KIF21B: variants seen among roughly 807,000 people sequenced by gnomAD.
KIF21B encodes the protein kinesin family member 21B, also known as kinesin-like protein KIF21B.
In KIF21B, 85 loss-of-function variants were observed where a neutral mutation model predicts 192.9. That is an observed-to-expected ratio of 0.44 (90% CI 0.37 to 0.53). The LOEUF (loss-of-function observed/expected upper bound fraction) is 0.53, where lower values mean the gene tolerates loss of function less well. KIF21B is among the 20% of genes least tolerant of loss of function. KIF21B has a pLI of 0.00. For synonymous variants in KIF21B, 832 were observed against 884.6 expected (o/e 0.94, Z 1.05); for missense variants, 1,716 against 2,194.8 (o/e 0.78, Z 4.36).
chr1:200,992,683 T>C (rs1478765320), intron 15 of KIF21B, among the ~76,000 whole-genome samples: 1 of 152,222 alleles, frequency 6.6e-6, no homozygotes, highest in Non-Finnish European at 1.5e-5. Flanking sequence ...CCACAGCCCC[T>C]GGTGGCCCTC....
In KIF21B at chr1:201,009,038, A is replaced by G. The variant is rs1658080833; in HGVS notation, c.265-87T>C. 9.7e-6 allele frequency: 14 copies of G among 1,445,478 alleles called. 1 individual carries two copies. In the South Asian group the frequency reaches 1.9e-4, roughly 19 times the overall value. The allele number at this position is 1,445,478 out of a possible 1,614,324, so 89.5% of individuals were successfully genotyped here. ...TACCTGGGCCAAATCCCCTTAGCTC[A>G]TCTACCTCCCAGCCCGGTTCCCCTG... On this transcript the variant is annotated intron_variant, in intron 2 of 34. Coordinates refer to ENST00000461742, the MANE Select transcript of KIF21B (RefSeq NM_001252102.2).
At position 200,988,751 on chromosome 1, in the gene KIF21B, C is replaced by T. The variant is rs993700161; in HGVS notation, c.3298+15G>A. 1.0e-5 allele frequency: 16 copies of T among 1,591,500 alleles called. No homozygotes were observed. The highest frequency in any genetic ancestry group is 5.2e-5 in the Admixed American group (3 of 57,674). On this transcript the variant is annotated intron_variant, in intron 22 of 34. Coordinates refer to ENST00000461742, the MANE Select transcript of KIF21B (RefSeq NM_001252102.2). ...TGCCAAGGAGCTGGCAGCTTCCAAC[C>T]GCCCCTACCCGTACCCTGCTGCACA...
In KIF21B at chr1:200,988,145, A is replaced by G; in HGVS notation, c.3408+151T>C. The G allele has an allele frequency of 6.3e-6, 5 of 794,772 alleles. No individual in the cohort carries two copies. The South Asian group carries it at 7.6e-5, about 12-fold the overall frequency. 49.2% of individuals were successfully genotyped at this position (794,772 alleles called of 1,614,324 possible). A position where few individuals can be genotyped will look rare whatever the true frequency, so the allele number is the denominator to read the frequency against. On this transcript the variant is annotated intron_variant, in intron 24 of 34. Transcript: ENST00000461742. ...AGGTTACATATCTGGACAACCCCCA[A>G]TTCCAGACTAAATTTTCTTGGCACC...
chr1:200,995,154 C>A (rs10920085), intron 15 of KIF21B, among the ~76,000 whole-genome samples: 1 of 152,134 alleles, frequency 6.6e-6, no homozygotes, highest in Non-Finnish European at 1.5e-5. Flanking sequence ...CATCAGCCAC[C>A]ACTGCATTGC....
At position 201,005,563 on chromosome 1, in the gene KIF21B, G is replaced by A; in HGVS notation, c.579C>T (p.Leu193=). The change falls in exon 4 of 35, where the codon CTC becomes CTT. Residue 193 remains leucine, a synonymous_variant. Transcript: ENST00000461742. ...GIYTTGVTSR[L]IHSQEELIQC... ...GGCTCACCTCCTCCTGGGAGTGGATGAGGCGAGAAGTGACGCCAGTGGTGT... is the reference window on the plus strand; with the variant it reads ...GGCTCACCTCCTCCTGGGAGTGGATAAGGCGAGAAGTGACGCCAGTGGTGT... 1 of 1,613,782 alleles carries A rather than the reference G, an allele frequency of 6.2e-7. No individual in the cohort carries two copies. Among genetic ancestry groups the A allele is most frequent in the South Asian group, 1.1e-5 (1 of 91,058 alleles).
At position 200,974,729 on chromosome 1, in the gene KIF21B, A is replaced by G. The variant is rs770410636; in HGVS notation, c.4799T>C (p.Ile1600Thr). ...CAGCACCCACCTGGAGGCTGTGAAG[A>G]TATGCTTGGCATTGGTGCAGATGGC... ...INAICTNAKH[I>T]FTASSDLTVK... is the part of the protein sequence containing the mutation. Residue 1600 changes from isoleucine (I) to threonine (T), a missense_variant, in exon 34 of 35, where the codon ATC (isoleucine) becomes ACC (threonine). Transcript: ENST00000461742. The G allele has an allele frequency of 1.8e-5, 29 of 1,614,066 alleles. No individual in the cohort carries two copies. The South Asian group carries it at 2.7e-4, about 15-fold the overall frequency.
At chr1:200,993,357 C>G (rs972420726) in intron 15 of KIF21B, among the ~76,000 whole-genome samples, 1 of 152,208 alleles carries the variant, frequency 6.6e-6, no homozygotes, top group African/African-American at 2.4e-5. Flanking sequence ...CTCCAGGGCT[C>G]AAGTCCCTCC....
At position 200,998,400 on chromosome 1, in the gene KIF21B, A is replaced by G. The variant is rs775633195; in HGVS notation, c.2061T>C (p.Arg687=). 1 of 1,612,854 alleles carries G rather than the reference A, an allele frequency of 6.2e-7. No individual in the cohort carries two copies. The highest frequency in any genetic ancestry group is 8.5e-7 in the Non-Finnish European group (1 of 1,179,556). The change falls in exon 14 of 35, where the codon CGT becomes CGC. Residue 687 remains arginine (R), a synonymous_variant. Transcript: ENST00000461742. The surrounding 1 kb of genome is among the most constrained non-coding windows in gnomAD (Gnocchi z 4.3). ...KIRDTQLERD[R]VLQNLSTMEC... ...TGGCCTCACTGAGGTTCTGCAGCACACGGTCGCGCTCCAGCTGTGTGTCTC... is the reference window on the plus strand; with the variant it reads ...TGGCCTCACTGAGGTTCTGCAGCACGCGGTCGCGCTCCAGCTGTGTGTCTC...
intron 17 of KIF21B, 136 bp from the exon 18 acceptor site, chr1:200,991,285 G>T: frequency 1.5e-6 from 1 of 681,472 alleles, no homozygotes; most frequent in Non-Finnish European, 2.5e-6. Context: ...CTGCAAAAGG[G>T]CCAAGGGGTC....
At chr1:200,974,389 A>G (rs1178547026) in intron 34 of KIF21B, among the ~76,000 whole-genome samples, 1 of 152,116 alleles carries the variant, frequency 6.6e-6, no homozygotes, top group South Asian at 2.1e-4. Flanking sequence ...TGGGGCTGGC[A>G]GGGCTGCTCT....
At position 201,007,381 on chromosome 1, in the gene KIF21B, GACAC is replaced by G. The variant is rs1171802759; in HGVS notation, c.447+1384_447+1387del. Among the ~76,000 whole-genome samples, 3 of 35,898 alleles carry G rather than the reference GACAC, an allele frequency of 8.4e-5. 1 individual carries two copies. Among genetic ancestry groups the G allele is most frequent in the South Asian group, 6.8e-4 (1 of 1,472 alleles). The allele number at this position is 35,898 out of a possible 152,430, so 23.6% of individuals were successfully genotyped here. On this transcript the variant is annotated intron_variant, in intron 3 of 34. Coordinates refer to ENST00000461742, the MANE Select transcript of KIF21B (RefSeq NM_001252102.2). The stretch of plus-strand genomic sequence containing the variant: ...ACACACACACACACACAGAGACAGA[GACAC>G]ACAGACACACACACGCAGACACCCA...
rs781508849 is a variant in KIF21B, at chr1:201,000,735, C to A, written c.1448G>T (p.Arg483Leu). The change falls in exon 10 of 35, where the codon CGG becomes CTG. Residue 483 changes from arginine to leucine, a missense_variant. Physicochemically the swap from Arg to Leu is moderately radical, Grantham distance 102. Transcript: ENST00000461742. The surrounding 1 kb of genome is among the most constrained non-coding windows in gnomAD (Gnocchi z 6.0). ...AIGALIQNYI[R>L]EIEELRTKLL... The stretch of plus-strand genomic sequence containing the variant: ...CACTCACCGTAGCTCCTCGATCTCC[C>A]GGATGTAGTTCTGGATCAGCGCACC... The A allele has an allele frequency of 6.2e-7, 1 of 1,614,216 alleles. No homozygotes were observed. The highest frequency in any genetic ancestry group is 1.1e-5 in the South Asian group (1 of 91,080).
intron 1 of KIF21B, among the ~76,000 whole-genome samples, chr1:201,011,164 T>C (rs1296412471): frequency 6.6e-6 from 1 of 152,246 alleles, no homozygotes; most frequent in Non-Finnish European, 1.5e-5. Flanking sequence ...TGGCTGATTC[T>C]TGCTCATCCT....
chr1:201,003,822 G>C, intron 7 of KIF21B, 41 bp from the exon 8 acceptor site: 1 of 1,602,754 alleles, frequency 6.2e-7, no homozygotes, highest in Middle Eastern at 1.7e-4. Flanking sequence ...GAGGGACACA[G>C]CCAGCCCCCA....
In KIF21B at chr1:200,982,727, C is replaced by T. The variant is rs1305662042; in HGVS notation, c.3842+329G>A. 6.6e-6 allele frequency among the ~76,000 whole-genome samples: 1 copy of T among 152,160 alleles called. No homozygotes were observed. Among genetic ancestry groups the T allele is most frequent in the Non-Finnish European group, 1.5e-5 (1 of 68,016 alleles). ...GCCTTCCAGTCGTGGAGAACTCAGCCCCAGCCCAGCATCCCCTAGGCCTCC... is the reference window on the plus strand; with the variant it reads ...GCCTTCCAGTCGTGGAGAACTCAGCTCCAGCCCAGCATCCCCTAGGCCTCC... On this transcript the variant is annotated intron_variant, in intron 28 of 34. Coordinates refer to ENST00000461742, the MANE Select transcript of KIF21B (RefSeq NM_001252102.2). The surrounding 1 kb of genome is among the most constrained non-coding windows in gnomAD (Gnocchi z 4.7).
intron 1 of KIF21B, among the ~76,000 whole-genome samples, chr1:201,011,434 G>A (rs573303413): frequency 3.3e-5 from 5 of 152,362 alleles, no homozygotes; most frequent in African/African-American, 1.2e-4. Flanking sequence ...AGACAGTCAG[G>A]AGCAGAGCCA....
rs953769345 is a variant in KIF21B at position 201,023,178 on chromosome 1, G to A, written c.41+165C>T. Among the ~76,000 whole-genome samples the A allele has an allele frequency of 2.6e-5, 4 of 152,214 alleles. No individual in the cohort carries two copies. Among genetic ancestry groups the A allele is most frequent in the Admixed American group, 2.0e-4 (3 of 15,282 alleles). ...GTCGGCGGGGTCGCCGCTCCCCTGCGGCAGACTGGCCAGCGCGCGGCGCCC... is the reference window on the plus strand; with the variant it reads ...GTCGGCGGGGTCGCCGCTCCCCTGCAGCAGACTGGCCAGCGCGCGGCGCCC... On this transcript the variant is annotated intron_variant, in intron 1 of 34. Transcript: ENST00000461742. The surrounding 1 kb of genome is among the most constrained non-coding windows in gnomAD (Gnocchi z 5.9).
At position 200,984,922 on chromosome 1, in the gene KIF21B, C is replaced by T. The variant is rs777757543; in HGVS notation, c.3740G>A (p.Arg1247His). 13 of 1,606,570 alleles carry T rather than the reference C, an allele frequency of 8.1e-6. No individual in the cohort carries two copies. The highest frequency in any genetic ancestry group is 5.4e-5 in the African/African-American group (4 of 74,302). The stretch of plus-strand genomic sequence containing the variant: ...ACGAGAGAAGACATTGCGGTCATTG[C>T]GGGGCCGAGTGGGAGGGGATGATGG... ...TPPSSPPTRP[R>H]NDRNVFSRLT... Residue 1247 changes from arginine to histidine, a missense_variant, in exon 27 of 35, where the codon CGC becomes CAC. This residue lies in a region of KIF21B where 580 missense variants were observed against 775.5 expected (regional missense o/e 0.75). Coordinates refer to ENST00000461742, the MANE Select transcript of KIF21B (RefSeq NM_001252102.2).
chr1:201,016,995 G>A (rs766721752), intron 1 of KIF21B, among the ~76,000 whole-genome samples: 1 of 152,164 alleles, frequency 6.6e-6, no homozygotes, highest in Non-Finnish European at 1.5e-5. Flanking sequence ...GCCTTGGGGT[G>A]TCAGCTTGGG....
Sources: gnomAD v4.1 joint callset for allele counts (sites outside exome capture counted in the v4.1 genomes callset) on GRCh38, gnomAD v4.1.1 for gene constraint, gnomAD v4.1.1 regional missense constraint, Gnocchi (gnomAD v3.1) non-coding constraint, MANE v1.5 for transcripts, NCBI Gene and HGNC (gene_info 2026-07-23, HGNC 2026-07-21) for gene names.